PTPRA: variants seen among roughly 807,000 people sequenced by gnomAD.
PTPRA encodes receptor-type tyrosine-protein phosphatase alpha.
PTPRA carries 25 observed loss-of-function variants against 104.8 expected under a neutral mutation model. The observed-to-expected ratio is 0.24, with a 90% CI of 0.17 to 0.33. PTPRA has a LOEUF of 0.33. Among genes scored for constraint, PTPRA ranks in the 10% least tolerant of loss-of-function variants. PTPRA has a pLI of 1.00. For missense variants in PTPRA, 765 were observed against 1,015.3 expected, an observed-to-expected ratio of 0.75 and a Z score of 3.35; for synonymous variants, 323 against 368.9, an observed-to-expected ratio of 0.88 and a Z score of 1.43.
rs556999114 is a variant in PTPRA, at chr20:2,977,861, G to A, written c.442+2620G>A. On this transcript the variant is annotated intron_variant, in intron 6 of 23. Coordinates refer to ENST00000399903, the MANE Select transcript of PTPRA (RefSeq NM_001385305.1). ...AGGAAATATGTGAACATCAGGAACC[G>A]AAGTCTACTCAGTTACATGCCATTG... Among the ~76,000 whole-genome samples, 5 of 152,066 alleles carry A rather than the reference G, an allele frequency of 3.3e-5. No homozygotes were observed. The South Asian group carries it at 6.3e-4, about 19-fold the overall frequency.
chr20:2,900,877 T>C (rs2059208244), intron 1 of PTPRA, among the ~76,000 whole-genome samples: 1 of 151,604 alleles, frequency 6.6e-6, no homozygotes, highest in African/African-American at 2.4e-5. Flanking sequence ...AAAAAATAGC[T>C]TCTCCAAAAT....
At chr20:2,901,278 C>A (rs1161235) in intron 1 of PTPRA, among the ~76,000 whole-genome samples, 6 of 151,008 alleles carry the variant, frequency 4.0e-5, no homozygotes, top group African/African-American at 1.2e-4. Context: ...CTTTTTTTTT[C>A]CCTTGAGGAG....
chr20:3,026,694 C>T lies in PTPRA; in HGVS notation c.1622C>T (p.Thr541Ile), dbSNP rs774890976. The change falls in exon 18 of 24, where the codon ACA becomes ATA. Residue 541 changes from threonine to isoleucine, a missense_variant. Physicochemically the swap from Thr to Ile is moderately conservative, Grantham distance 89. Coordinates refer to ENST00000399903, the MANE Select transcript of PTPRA (RefSeq NM_001385305.1). Reference sequence around the variant, plus strand: ...CTCCCCTTCCCAATTCAGAAGTTAACATCAATCAAAATCCAGAATGACAAG... The same window carrying T: ...CTCCCCTTCCCAATTCAGAAGTTAATATCAATCAAAATCCAGAATGACAAG... ...NGLEEEFKKL[T>I]SIKIQNDKMR... The T allele has an allele frequency of 3.7e-6, 6 of 1,609,262 alleles. No individual in the cohort carries two copies. Among genetic ancestry groups the T allele is most frequent in the Non-Finnish European group, 2.6e-6 (3 of 1,175,648 alleles).
intron 2 of PTPRA, among the ~76,000 whole-genome samples, chr20:2,940,667 C>G: frequency 6.6e-6 from 1 of 151,924 alleles, no homozygotes; most frequent in Non-Finnish European, 1.5e-5. Flanking sequence ...CTCATGGGAT[C>G]CTCCTGTCTC....
intron 2 of PTPRA, among the ~76,000 whole-genome samples, chr20:2,928,305 T>G (rs1163151446): frequency 6.6e-6 from 1 of 152,016 alleles, no homozygotes; most frequent in Non-Finnish European, 1.5e-5. Flanking sequence ...CTGGCTAATT[T>G]TTTGTATTTT....
chr20:2,947,199 A>G (rs1332993700), intron 2 of PTPRA, among the ~76,000 whole-genome samples: 3 of 152,172 alleles, frequency 2.0e-5, no homozygotes, highest in African/African-American at 7.2e-5. Flanking sequence ...CTCTCATAAT[A>G]TTACTACCCT....
At chr20:3,031,437 C>CT (rs2065450282) in intron 20 of PTPRA, among the ~76,000 whole-genome samples, 1 of 152,032 alleles carries the variant, frequency 6.6e-6, no homozygotes, top group African/African-American at 2.4e-5. Flanking sequence ...CCACTGATGA[C>CT]TTTAACACCT....
At chr20:2,930,970 A>G (rs563180214) in intron 2 of PTPRA, among the ~76,000 whole-genome samples, 2 of 152,328 alleles carry the variant, frequency 1.3e-5, no homozygotes, top group African/African-American at 4.8e-5. Flanking sequence ...TTTGAGCAGG[A>G]TGAATCTAAC....
intron 9 of PTPRA, among the ~76,000 whole-genome samples, chr20:2,989,344 A>C (rs1034440714): frequency 3.9e-5 from 6 of 152,108 alleles, no homozygotes; most frequent in Non-Finnish European, 5.9e-5. Context: ...GAGGCAGGAG[A>C]ATCGCTTGAA....
intron 20 of PTPRA, among the ~76,000 whole-genome samples, chr20:3,029,531 C>T (rs1272943328): frequency 3.3e-5 from 2 of 60,000 alleles, no homozygotes; most frequent in Admixed American, 2.2e-4. Flanking sequence ...CTTTGTAGGT[C>T]TTCATCATCT....
At chr20:2,892,145 C>T (rs536753754) in intron 1 of PTPRA, among the ~76,000 whole-genome samples, 1 of 151,952 alleles carries the variant, frequency 6.6e-6, no homozygotes, top group Admixed American at 6.6e-5. Flanking sequence ...CAAAAATTAG[C>T]CAGGCATGGT....
intron 20 of PTPRA, among the ~76,000 whole-genome samples, chr20:3,034,004 C>G (rs1165859475): frequency 2.0e-5 from 3 of 151,750 alleles, no homozygotes; most frequent in African/African-American, 7.3e-5. Flanking sequence ...TGTGGTGGCT[C>G]ACGCCTGTGT....
rs768214041 is a variant in PTPRA at position 2,953,918 on chromosome 20, A to AT, written c.-7+5909dup. Among the ~76,000 whole-genome samples the AT allele has an allele frequency of 2.6e-3, 335 of 131,248 alleles. 3 individuals carry two copies. The highest frequency in any genetic ancestry group is 0.016 in the South Asian group (66 of 4,126). The allele number at this position is 131,248 out of a possible 152,430, so 86.1% of individuals were successfully genotyped here. On this transcript the variant is annotated intron_variant, in intron 3 of 23. Coordinates refer to ENST00000399903, the MANE Select transcript of PTPRA (RefSeq NM_001385305.1). ...GGTTTTGTTTTGTTTTGTTTTTACT[A>AT]TTTTTTTTTTTTTTTAGAGACAAGC...
intron 5 of PTPRA, among the ~76,000 whole-genome samples, chr20:2,971,927 CG>C (rs1455685279): frequency 1.3e-5 from 2 of 152,056 alleles, no homozygotes; most frequent in Non-Finnish European, 2.9e-5. Flanking sequence ...CTCCACCTCG[CG>C]GGTTCAAGTG....
intron 9 of PTPRA, 129 bp downstream of exon 9, chr20:2,988,603 C>T: frequency 7.6e-7 from 1 of 1,313,116 alleles, no homozygotes. Context: ...AATGTTTTAC[C>T]AAGTTTATCT....
In PTPRA at chr20:3,022,824, T is replaced by C. The variant is rs1457513526; in HGVS notation, c.1464T>C (p.Asp488=). 4.3e-6 allele frequency: 7 copies of C among 1,614,136 alleles called. No individual in the cohort carries two copies. The highest frequency in any genetic ancestry group is 1.1e-5 in the South Asian group (1 of 91,084). The change falls in exon 16 of 24, where the codon GAT becomes GAC. Residue 488 remains aspartate, a splice_region_variant and synonymous_variant. Coordinates refer to ENST00000399903, the MANE Select transcript of PTPRA (RefSeq NM_001385305.1). The surrounding 1 kb of genome is among the most constrained non-coding windows in gnomAD (Gnocchi z 4.6). ...AGCGCTGCCAGATGGTGCAAACCGA[T>C]GTGAGTGATCTGTGGGTCAGGTGAG... ...RAQRCQMVQT[D]MQYVFIYQAL...
chr20:2,925,730 G>T (rs556430592), intron 2 of PTPRA, among the ~76,000 whole-genome samples: 1 of 152,210 alleles, frequency 6.6e-6, no homozygotes, highest in Admixed American at 6.5e-5. Context: ...CAGGAGAATC[G>T]CTTGAACCTA....
rs117899274 is a variant in PTPRA at position 3,031,006 on chromosome 20, G to A, written c.1920+3165G>A. ...CCTTCTGCTCTATTTTAATCAAAAG[G>A]GTCCACCAGGATGCCTGGGTTCCCT... On this transcript the variant is annotated intron_variant, in intron 20 of 23. Coordinates refer to ENST00000399903, the MANE Select transcript of PTPRA (RefSeq NM_001385305.1). 2.3e-3 allele frequency among the ~76,000 whole-genome samples: 354 copies of A among 152,154 alleles called. No homozygotes were observed. In the Middle Eastern group the frequency reaches 0.024, roughly 10 times the overall value.
intron 1 of PTPRA, among the ~76,000 whole-genome samples, chr20:2,878,920 AG>A (rs11475637): frequency 0.14 from 21,294 of 152,244 alleles, 1,678 homozygotes; most frequent in East Asian, 0.26. Flanking sequence ...GGTTGAAGAA[AG>A]ATTTGGTTGA....
Sources: gnomAD v4.1 joint callset for allele counts (sites outside exome capture counted in the v4.1 genomes callset) on GRCh38, gnomAD v4.1.1 for gene constraint, Gnocchi (gnomAD v3.1) non-coding constraint, MANE v1.5 for transcripts, NCBI Gene and HGNC (gene_info 2026-07-23, HGNC 2026-07-21) for gene names.